The following CRPPA variants were observed in gnomAD, a reference collection of about 807,000 sequenced individuals.
CRPPA encodes D-ribitol-5-phosphate cytidylyltransferase.
In CRPPA, 43 loss-of-function variants were observed where a neutral mutation model predicts 52.0. The observed-to-expected ratio is 0.83, with a 90% confidence interval of 0.65 to 1.07. The LOEUF is 1.07. CRPPA is among the 50% of genes least tolerant of loss of function. The pLI is 0.00. For missense variants in CRPPA, 629 were observed against 551.7 expected (o/e 1.14, Z -1.40); for synonymous variants, 250 against 203.5 (o/e 1.23, Z -1.94).
chr7:16,101,299 G>C (rs1478749064), intron 9 of CRPPA, among the ~76,000 whole-genome samples: 1 of 151,994 alleles, frequency 6.6e-6, no homozygotes, highest in Non-Finnish European at 1.5e-5. Context: ...TTTTTTGGTT[G>C]GTAGGCTACC....
At chr7:16,399,816 CG>C (rs1003522608) in intron 2 of CRPPA, among the ~76,000 whole-genome samples, 23 of 152,086 alleles carry the variant, frequency 1.5e-4, no homozygotes, top group African/African-American at 5.1e-4. Flanking sequence ...GACACTTGAT[CG>C]TCACGTGATC....
At chr7:16,106,847 A>G (rs1270501408) in intron 9 of CRPPA, among the ~76,000 whole-genome samples, 1 of 152,244 alleles carries the variant, frequency 6.6e-6, no homozygotes, top group Non-Finnish European at 1.5e-5. Flanking sequence ...ATAATACTCA[A>G]AAAAGTTCAG....
intron 3 of CRPPA, among the ~76,000 whole-genome samples, chr7:16,359,597 A>G (rs1786390363): frequency 6.6e-6 from 1 of 152,188 alleles, no homozygotes; most frequent in Non-Finnish European, 1.5e-5. Context: ...CTAATTTAAG[A>G]TGCAGATTCT....
intron 9 of CRPPA, among the ~76,000 whole-genome samples, chr7:16,147,717 T>G (rs1253341894): frequency 1.3e-5 from 2 of 152,212 alleles, no homozygotes; most frequent in African/African-American, 4.8e-5. Flanking sequence ...TGGCACATAT[T>G]ATGGATTCAA....
intron 8 of CRPPA, among the ~76,000 whole-genome samples, chr7:16,220,934 GA>G (rs1782481593): frequency 6.6e-6 from 1 of 151,758 alleles, no homozygotes; most frequent in African/African-American, 2.4e-5. Context: ...CACAGAATTG[GA>G]AAAAACTACT....
At chr7:16,298,219 T>C (rs1784714407) in intron 5 of CRPPA, among the ~76,000 whole-genome samples, 1 of 152,130 alleles carries the variant, frequency 6.6e-6, no homozygotes, top group Non-Finnish European at 1.5e-5. Context: ...AATAAAGATA[T>C]TATAACATGT....
intron 9 of CRPPA, among the ~76,000 whole-genome samples, chr7:16,203,404 T>C (rs1451030931): frequency 1.3e-5 from 2 of 152,100 alleles, no homozygotes; most frequent in Non-Finnish European, 2.9e-5. Flanking sequence ...CCACAGTAGT[T>C]GAATCTGAAA....
Position 16,278,164 on chromosome 7 carries a change from G to C in CRPPA, c.898C>G (p.His300Asp). 6.3e-7 allele frequency: 1 copy of C among 1,578,674 alleles called. No homozygotes were observed. Among genetic ancestry groups the C allele is most frequent in the Non-Finnish European group, 8.7e-7 (1 of 1,154,320 alleles). ...DTEEDNKHVGHLLEEVLKSEL... is the reference protein window; with the variant it reads ...DTEEDNKHVGDLLEEVLKSEL... ...CTTTTCAGCACTTCTTCAAGAAGAT[G>C]ACCTACATGTTTGTTATCTTCTTCT... is the stretch of plus-strand genomic sequence containing the variant. Residue 300 changes from histidine (H) to aspartate (D), a missense_variant, in exon 6 of 10, where the codon CAT becomes GAT. Transcript: ENST00000407010.
At chr7:16,229,661 A>C (rs1782740306) in intron 8 of CRPPA, among the ~76,000 whole-genome samples, 1 of 152,158 alleles carries the variant, frequency 6.6e-6, no homozygotes, top group African/African-American at 2.4e-5. Flanking sequence ...ACTAGTGATA[A>C]AAATGATTTA....
chr7:16,362,361 AG>A (rs1194160822), intron 3 of CRPPA, among the ~76,000 whole-genome samples: 1 of 152,190 alleles, frequency 6.6e-6, no homozygotes, highest in African/African-American at 2.4e-5. Flanking sequence ...AAGGGCAAAA[AG>A]GAACACACAC....
intron 9 of CRPPA, among the ~76,000 whole-genome samples, chr7:16,104,229 AT>A (rs1202787132): frequency 6.6e-6 from 1 of 152,178 alleles, no homozygotes; most frequent in Non-Finnish European, 1.5e-5. Context: ...AGTAGTGCCA[AT>A]TTTTATCAGC....
At chr7:16,131,979 G>T (rs1782689380) in intron 9 of CRPPA, among the ~76,000 whole-genome samples, 1 of 152,174 alleles carries the variant, frequency 6.6e-6, no homozygotes, top group Admixed American at 6.5e-5. Flanking sequence ...AGCCTAGGCA[G>T]TGAACCACTA....
At chr7:16,270,694 G>GA (rs1289764741) in intron 6 of CRPPA, 1 of 152,044 alleles carries the variant, frequency 6.6e-6, no homozygotes, top group Non-Finnish European at 1.5e-5. Flanking sequence ...AGGCGCAAGA[G>GA]AAAAAAGTAG....
chr7:16,350,376 A>G (rs550892346), intron 3 of CRPPA, among the ~76,000 whole-genome samples: 1 of 152,302 alleles, frequency 6.6e-6, no homozygotes, highest in African/African-American at 2.4e-5. Context: ...TAAGTCAGTT[A>G]TATCTGTAGT....
chr7:16,210,654 T>A (rs1033538484), intron 9 of CRPPA: 2 of 152,160 alleles, frequency 1.3e-5, no homozygotes, highest in Non-Finnish European at 2.9e-5. Flanking sequence ...GATGGTTGCA[T>A]CCTTGATGGA....
chr7:16,289,726 C>G (rs1026714545), intron 5 of CRPPA, among the ~76,000 whole-genome samples: 3 of 152,126 alleles, frequency 2.0e-5, no homozygotes, highest in African/African-American at 7.2e-5. Context: ...TAGCATTATA[C>G]TGAATGGAGA....
chr7:16,414,197 T>C (rs1030506666), intron 1 of CRPPA, among the ~76,000 whole-genome samples: 1 of 152,112 alleles, frequency 6.6e-6, no homozygotes, highest in East Asian at 1.9e-4. Flanking sequence ...CCAGACCTTG[T>C]TCAAATCCAC....
intron 3 of CRPPA, among the ~76,000 whole-genome samples, chr7:16,361,012 C>T (rs938296759): frequency 3.3e-5 from 5 of 151,924 alleles, no homozygotes; most frequent in East Asian, 1.9e-4. Flanking sequence ...CTCCTAAACT[C>T]GACAAAAAAT....
rs1442278884 is a variant in CRPPA, at chr7:16,122,385, G to C, written c.1252-30586C>G. 3.3e-5 allele frequency among the ~76,000 whole-genome samples: 5 copies of C among 151,890 alleles called. No homozygotes were observed. The East Asian group carries it at 9.7e-4, about 29-fold the overall frequency. On this transcript the variant is annotated intron_variant, in intron 9 of 9. Coordinates refer to ENST00000407010, the MANE Select transcript of CRPPA (RefSeq NM_001101426.4). ...TACACATTTCCAATGAAAAGAATGA[G>C]AGACACCACTGAATACTAAACTTAG...
Sources: gnomAD v4.1 joint callset for allele counts (sites outside exome capture counted in the v4.1 genomes callset) on GRCh38, gnomAD v4.1.1 for gene constraint, MANE v1.5 for transcripts, NCBI Gene and HGNC (gene_info 2026-07-23, HGNC 2026-07-21) for gene names.